The following CTNNA3 variants were observed in gnomAD, a reference collection of about 807,000 sequenced individuals.
The protein encoded by CTNNA3 is catenin alpha-3.
Under a neutral mutation model 95.7 loss-of-function variants are expected in CTNNA3, and 76 were observed. The ratio of observed to expected loss-of-function variants is 0.79; its 90% CI spans 0.66 to 0.96. The LOEUF is 0.96. CTNNA3 is among the 40% of genes least tolerant of loss of function. The pLI, the probability that CTNNA3 is intolerant of heterozygous loss-of-function variation, is 0.00. For synonymous variants in CTNNA3, 431 were observed against 374.4 expected, an observed-to-expected ratio of 1.15 and a Z score of -1.74; for missense variants, 1,191 against 1,089.8, an observed-to-expected ratio of 1.09 and a Z score of -1.31.
At position 66,722,093 on chromosome 10, in the gene CTNNA3, T is replaced by C. The variant is rs138853247; in HGVS notation, c.1281+44171A>G. On this transcript the variant is annotated intron_variant, in intron 9 of 17. Transcript: ENST00000433211. ...CTGTCTTTTCTTTCAATTAAAATGC[T>C]AAAGGCCGGGTGCGGTGGCTCATGC... 1.6e-3 allele frequency among the ~76,000 whole-genome samples: 246 copies of C among 152,258 alleles called. 1 individual carries two copies. Among genetic ancestry groups the C allele is most frequent in the African/African-American group, 5.6e-3 (233 of 41,572 alleles).
intron 11 of CTNNA3, among the ~76,000 whole-genome samples, chr10:66,388,267 A>T (rs1235120801): frequency 1.3e-5 from 2 of 152,196 alleles, no homozygotes; most frequent in Non-Finnish European, 2.9e-5. Context: ...GAATATTTAC[A>T]GTAAAAACAA....
At chr10:66,111,301 A>G (rs2082111182) in intron 13 of CTNNA3, among the ~76,000 whole-genome samples, 1 of 152,170 alleles carries the variant, frequency 6.6e-6, no homozygotes, top group African/African-American at 2.4e-5. Flanking sequence ...AAGTTTCCTG[A>G]GGCCCCTCCA....
chr10:67,001,118 TGATG>T (rs1851659670), intron 7 of CTNNA3, among the ~76,000 whole-genome samples: 1 of 151,368 alleles, frequency 6.6e-6, no homozygotes, highest in African/African-American at 2.4e-5. Context: ...CTGGCCAACA[TGATG>T]AAACCCTGTC....
Position 66,009,049 on chromosome 10 carries a change from G to A in CTNNA3, c.2160-20252C>T, listed in dbSNP as rs549618536. Among the ~76,000 whole-genome samples, 7 of 152,134 alleles carry A rather than the reference G, an allele frequency of 4.6e-5. No homozygotes were observed. The East Asian group carries it at 7.8e-4, about 17-fold the overall frequency. On this transcript the variant is annotated intron_variant, in intron 15 of 17. Coordinates refer to ENST00000433211, the MANE Select transcript of CTNNA3 (RefSeq NM_013266.4). ...CTGGAGGCGGAGGTTGCTGTGAGCC[G>A]AGATGGTGCCACTGCACTCCAGCCT...
chr10:66,712,878 C>T (rs923066145), intron 9 of CTNNA3, among the ~76,000 whole-genome samples: 2 of 152,126 alleles, frequency 1.3e-5, no homozygotes, highest in African/African-American at 4.8e-5. Context: ...ATGACAGTAA[C>T]AACTGTGGTG....
intron 1 of CTNNA3, among the ~76,000 whole-genome samples, chr10:67,757,727 T>G (rs1050359798): frequency 1.3e-5 from 2 of 152,236 alleles, no homozygotes; most frequent in Non-Finnish European, 2.9e-5. Flanking sequence ...TCCCTACTTT[T>G]GAGGTTTTGG....
intron 5 of CTNNA3, among the ~76,000 whole-genome samples, chr10:67,346,133 T>A (rs1842406424): frequency 6.6e-6 from 1 of 152,190 alleles, no homozygotes; most frequent in Non-Finnish European, 1.5e-5. Context: ...AACTCTATAC[T>A]TTGTTCCCTC....
At chr10:66,068,989 C>T (rs546212134) in intron 15 of CTNNA3, among the ~76,000 whole-genome samples, 2 of 152,196 alleles carry the variant, frequency 1.3e-5, no homozygotes, top group East Asian at 1.9e-4. Flanking sequence ...CCAATACCAG[C>T]GAATCACTTG....
At chr10:67,512,787 C>A (rs962690192) in intron 5 of CTNNA3, among the ~76,000 whole-genome samples, 1 of 151,676 alleles carries the variant, frequency 6.6e-6, no homozygotes, top group African/African-American at 2.4e-5. Flanking sequence ...GAGATCGATA[C>A]CATCCTGGCC....
chr10:66,218,823 TAAAG>T (rs1045878041), intron 13 of CTNNA3, among the ~76,000 whole-genome samples: 2 of 152,176 alleles, frequency 1.3e-5, no homozygotes, highest in Non-Finnish European at 2.9e-5. Context: ...AGTGATATCT[TAAAG>T]AGCCTTTTAC....
At chr10:66,642,553 T>C (rs1419026376) in intron 9 of CTNNA3, among the ~76,000 whole-genome samples, 1 of 152,152 alleles carries the variant, frequency 6.6e-6, no homozygotes, top group East Asian at 1.9e-4. Flanking sequence ...ATAACTGCTA[T>C]ACAAGCACCT....
chr10:67,395,956 GTA>G (rs766719427), intron 5 of CTNNA3, among the ~76,000 whole-genome samples: 3 of 152,028 alleles, frequency 2.0e-5, no homozygotes, highest in Admixed American at 6.5e-5. Context: ...GCCTATCTAT[GTA>G]TATTTTTTAG....
At chr10:66,335,930 C>T (rs537016744) in intron 12 of CTNNA3, among the ~76,000 whole-genome samples, 23 of 152,214 alleles carry the variant, frequency 1.5e-4, no homozygotes, top group African/African-American at 2.4e-4. Context: ...TGGGCAATGG[C>T]GGGGTGCCCC....
At chr10:65,999,380 C>A (rs1432811538) in intron 15 of CTNNA3, among the ~76,000 whole-genome samples, 1 of 152,122 alleles carries the variant, frequency 6.6e-6, no homozygotes, top group Non-Finnish European at 1.5e-5. Context: ...CTAAAGTACC[C>A]TTCCCCTCAA....
At chr10:67,263,733 C>T (rs1203824373) in intron 5 of CTNNA3, among the ~76,000 whole-genome samples, 1 of 152,148 alleles carries the variant, frequency 6.6e-6, no homozygotes, top group African/African-American at 2.4e-5. Flanking sequence ...TCACACCCTA[C>T]ACTCTGAGGA....
rs57848703 is a variant in CTNNA3 at position 67,242,771 on chromosome 10, G to A, written c.580-22901C>T. On this transcript the variant is annotated intron_variant, in intron 5 of 17. Transcript: ENST00000433211. ...CAATAAGCCAAAAGGACTGAATGAGGAGCAACTCCAAGGCAGGAAGTCTGC... is the reference window on the plus strand; with the variant it reads ...CAATAAGCCAAAAGGACTGAATGAGAAGCAACTCCAAGGCAGGAAGTCTGC... 9.6e-3 allele frequency among the ~76,000 whole-genome samples: 1,457 copies of A among 152,288 alleles called. 24 individuals are homozygous for A. Among genetic ancestry groups the A allele is most frequent in the African/African-American group, 0.033 (1,360 of 41,556 alleles).
intron 5 of CTNNA3, among the ~76,000 whole-genome samples, chr10:67,237,018 A>C (rs1238225755): frequency 1.3e-5 from 2 of 150,802 alleles, no homozygotes; most frequent in Non-Finnish European, 3.0e-5. Flanking sequence ...TACATGAAAA[A>C]GATACTTACA....
intron 10 of CTNNA3, among the ~76,000 whole-genome samples, chr10:66,542,323 C>T (rs1237808307): frequency 6.6e-6 from 1 of 152,060 alleles, no homozygotes; most frequent in Non-Finnish European, 1.5e-5. Context: ...TTGTGGAAGA[C>T]AGTGTGGTGA....
chr10:66,282,278 A>G (rs1170936992), intron 12 of CTNNA3, among the ~76,000 whole-genome samples: 1 of 151,736 alleles, frequency 6.6e-6, no homozygotes, highest in East Asian at 1.9e-4. Flanking sequence ...TATGGATGTG[A>G]CTCTCAAAGT....
Sources: gnomAD v4.1 joint callset for allele counts (sites outside exome capture counted in the v4.1 genomes callset) on GRCh38, gnomAD v4.1.1 for gene constraint, MANE v1.5 for transcripts, NCBI Gene and HGNC (gene_info 2026-07-23, HGNC 2026-07-21) for gene names.